The following GPHN variants were observed in gnomAD, a reference collection of about 807,000 sequenced individuals.
GPHN encodes the protein gephyrin.
A neutral mutation model predicts 95.5 loss-of-function variants in GPHN; 17 were observed. The ratio of observed to expected loss-of-function variants is 0.18; its 90% CI spans 0.12 to 0.27. The LOEUF is 0.27. Among genes scored for constraint, GPHN ranks in the 10% least tolerant of loss-of-function variants. The probability of loss-of-function intolerance (pLI) is 1.00; values close to 1 mark genes in which losing one functional copy is unlikely to be tolerated. For missense variants in GPHN, 660 were observed against 978.1 expected, an observed-to-expected ratio of 0.67 and a Z score of 4.34; for synonymous variants, 320 against 322.5, an observed-to-expected ratio of 0.99 and a Z score of 0.08.
At chr14:67,691,078 C>T in the GPHN span, 1 of 1,077,680 alleles carries the variant, frequency 9.3e-7, no homozygotes, top group Non-Finnish European at 1.4e-6. Flanking sequence ...CAATCTGACC[C>T]CTAAGTTTCC....
rs139608590 is a variant in GPHN at position 66,896,367 on chromosome 14, C to T, written c.389+16334C>T. Among the ~76,000 whole-genome samples the T allele has an allele frequency of 2.1e-3, 319 of 152,138 alleles. 1 individual carries two copies. Among genetic ancestry groups the T allele is most frequent in the African/African-American group, 7.2e-3 (300 of 41,530 alleles). Reference sequence around the variant, plus strand: ...GGCACAGTGGCTCACCCCTGTAATCCCAGCACTTTGGGAGGCTGAGGTGGG... The same window carrying T: ...GGCACAGTGGCTCACCCCTGTAATCTCAGCACTTTGGGAGGCTGAGGTGGG... On this transcript the variant is annotated intron_variant, in intron 5 of 22. Transcript: ENST00000478722.
chr14:66,852,088 G>T (rs1345357303), intron 4 of GPHN, among the ~76,000 whole-genome samples: 1 of 152,126 alleles, frequency 6.6e-6, no homozygotes, highest in African/African-American at 2.4e-5. Context: ...AAAAATAATA[G>T]AATTTAATGT....
the GPHN span, among the ~76,000 whole-genome samples, chr14:67,705,358 G>C: frequency 6.6e-6 from 1 of 152,204 alleles, no homozygotes; most frequent in Non-Finnish European, 1.5e-5. Flanking sequence ...TTCAGTGTCA[G>C]TAGGTTACAT....
chr14:67,381,901 G>A, the GPHN span, among the ~76,000 whole-genome samples: 1 of 152,080 alleles, frequency 6.6e-6, no homozygotes, highest in Non-Finnish European at 1.5e-5. Context: ...TATCACAGTG[G>A]ATGGAGATTC....
At chr14:66,536,229 G>A (rs1339731036) in intron 1 of GPHN, among the ~76,000 whole-genome samples, 1 of 152,152 alleles carries the variant, frequency 6.6e-6, no homozygotes, top group East Asian at 1.9e-4. Flanking sequence ...GGGATTACAG[G>A]TGTGAGCCAC....
chr14:66,767,666 G>A (rs1595840128), intron 2 of GPHN, among the ~76,000 whole-genome samples: 1 of 151,834 alleles, frequency 6.6e-6, no homozygotes, highest in Non-Finnish European at 1.5e-5. Context: ...CAGAATAAAC[G>A]GAATAGTTGC....
intron 8 of GPHN, among the ~76,000 whole-genome samples, chr14:66,929,677 A>T (rs1220613835): frequency 6.8e-6 from 1 of 146,998 alleles, no homozygotes; most frequent in Admixed American, 6.7e-5. Context: ...ATCTTTTTCC[A>T]TCCCTTTATT....
At chr14:66,908,591 A>G (rs191717048) in intron 5 of GPHN, among the ~76,000 whole-genome samples, 1 of 152,220 alleles carries the variant, frequency 6.6e-6, no homozygotes, top group Admixed American at 6.6e-5. Flanking sequence ...GGCTACATAC[A>G]GTGACTTCCT....
chr14:67,028,010 A>G (rs2074011209), intron 10 of GPHN, among the ~76,000 whole-genome samples: 1 of 152,134 alleles, frequency 6.6e-6, no homozygotes, highest in South Asian at 2.1e-4. Flanking sequence ...TGTACCTTTT[A>G]GCCAACTTTT....
intron 13 of GPHN, among the ~76,000 whole-genome samples, chr14:67,108,251 G>T (rs1370672453): frequency 6.6e-6 from 1 of 152,130 alleles, no homozygotes; most frequent in Non-Finnish European, 1.5e-5. Flanking sequence ...TAGGAGAGAT[G>T]CCCTAACCAT....
intron 1 of GPHN, among the ~76,000 whole-genome samples, chr14:66,628,716 T>C (rs1014667806): frequency 3.9e-5 from 6 of 152,100 alleles, no homozygotes; most frequent in Admixed American, 6.5e-5. Flanking sequence ...ATAAACTTCT[T>C]GACTCTTTTG....
the GPHN span, chr14:67,376,349 G>T: frequency 8.0e-7 from 1 of 1,257,334 alleles, no homozygotes; most frequent in East Asian, 2.6e-5. Flanking sequence ...AGGAATTATT[G>T]TAGCCAAATT....
intron 8 of GPHN, among the ~76,000 whole-genome samples, chr14:66,958,090 A>C (rs1231112739): frequency 6.6e-6 from 1 of 152,218 alleles, no homozygotes; most frequent in Non-Finnish European, 1.5e-5. Context: ...TATTCTAACT[A>C]TTATTAAAAG....
At chr14:67,581,428 A>G in the GPHN span, among the ~76,000 whole-genome samples, 1 of 152,052 alleles carries the variant, frequency 6.6e-6, no homozygotes, top group Non-Finnish European at 1.5e-5. Context: ...AGGGGGGCTG[A>G]GGTGGGAGGA....
chr14:66,525,460 G>A (rs56163493), intron 1 of GPHN, among the ~76,000 whole-genome samples: 8,277 of 152,176 alleles, frequency 0.054, 308 homozygotes, highest in Non-Finnish European at 0.086. Context: ...CACTCTGATG[G>A]TAGTTTCTTT....
chr14:67,126,689 A>G (rs905569086), intron 17 of GPHN, among the ~76,000 whole-genome samples: 2 of 152,092 alleles, frequency 1.3e-5, no homozygotes, highest in African/African-American at 4.8e-5. Context: ...TCAGTGTGGC[A>G]ATTCCTCAGG....
At chr14:67,302,907 A>AT in the GPHN span, among the ~76,000 whole-genome samples, 9 of 152,234 alleles carry the variant, frequency 5.9e-5, no homozygotes, top group East Asian at 1.5e-3. Flanking sequence ...TGTCCTGATG[A>AT]TTTTTTGTGT....
At chr14:67,027,091 A>G (rs1209097158) in intron 10 of GPHN, among the ~76,000 whole-genome samples, 3 of 152,218 alleles carry the variant, frequency 2.0e-5, no homozygotes, top group Admixed American at 6.5e-5. Context: ...TTATAAACAA[A>G]TATCTGATTA....
chr14:67,644,881 C>A, the GPHN span, among the ~76,000 whole-genome samples: 1 of 151,786 alleles, frequency 6.6e-6, no homozygotes. Context: ...GCCTGTAATC[C>A]CAATTACTCG....
Sources: allele counts gnomAD v4.1 joint callset (sites outside exome capture counted in the v4.1 genomes callset), GRCh38; gene constraint gnomAD v4.1.1; transcripts MANE v1.5; gene names NCBI Gene and HGNC (gene_info 2026-07-23, HGNC 2026-07-21).